SCAMP1: variants seen among roughly 807,000 people sequenced by gnomAD.
SCAMP1 encodes secretory carrier-associated membrane protein 1.
Under a neutral mutation model 41.8 loss-of-function variants are expected in SCAMP1, and 15 were observed. The ratio of observed to expected loss-of-function variants is 0.36; its 90% CI spans 0.24 to 0.55. The LOEUF (loss-of-function observed/expected upper bound fraction) is 0.55. SCAMP1 is among the 20% of genes least tolerant of loss of function. The pLI, the probability that SCAMP1 is intolerant of heterozygous loss-of-function variation, is 0.86. For synonymous variants in SCAMP1, 135 were observed against 136.8 expected, an observed-to-expected ratio of 0.99 and a Z score of 0.09; for missense variants, 341 against 412.6, an observed-to-expected ratio of 0.83 and a Z score of 1.50.
chr5:78,389,423 A>AT (rs1194593757), intron 2 of SCAMP1, among the ~76,000 whole-genome samples: 1 of 151,844 alleles, frequency 6.6e-6, no homozygotes, highest in African/African-American at 2.4e-5. Flanking sequence ...AAAATTTAGT[A>AT]TTTTTTTCTT....
At chr5:78,431,034 T>G (rs1752607311) in intron 6 of SCAMP1, among the ~76,000 whole-genome samples, 1 of 152,016 alleles carries the variant, frequency 6.6e-6, no homozygotes, top group Non-Finnish European at 1.5e-5. Flanking sequence ...TCAGAGAGCT[T>G]AGGTTCCTCC....
chr5:78,473,092 G>A (rs567114774), intron 8 of SCAMP1, among the ~76,000 whole-genome samples: 20 of 152,196 alleles, frequency 1.3e-4, no homozygotes, highest in South Asian at 4.1e-4. Flanking sequence ...TTTTAAAAGG[G>A]AATAAAAATA....
At chr5:78,426,823 A>G (rs756299698) in intron 6 of SCAMP1, among the ~76,000 whole-genome samples, 1 of 152,066 alleles carries the variant, frequency 6.6e-6, no homozygotes, top group Non-Finnish European at 1.5e-5. Flanking sequence ...TAGAACATCT[A>G]GTCTTTTGCT....
intron 1 of SCAMP1, among the ~76,000 whole-genome samples, chr5:78,364,977 T>A (rs1750756849): frequency 7.0e-5 from 1 of 14,348 alleles, no homozygotes; most frequent in Non-Finnish European, 2.3e-4. Context: ...TGTATACATA[T>A]GTAACCTGTA....
At chr5:78,435,401 T>C (rs2112175456) in intron 6 of SCAMP1, among the ~76,000 whole-genome samples, 1 of 150,742 alleles carries the variant, frequency 6.6e-6, no homozygotes, top group African/African-American at 2.4e-5. Flanking sequence ...CAACCCCTCA[T>C]TGTGTGATGT....
At chr5:78,363,652 A>G (rs1750720239) in intron 1 of SCAMP1, among the ~76,000 whole-genome samples, 1 of 151,956 alleles carries the variant, frequency 6.6e-6, no homozygotes, top group Admixed American at 6.6e-5. Context: ...ATTTTTTAGC[A>G]TTTCTTTTCC....
At chr5:78,444,839 G>A (rs1753015723) in intron 6 of SCAMP1, among the ~76,000 whole-genome samples, 1 of 152,164 alleles carries the variant, frequency 6.6e-6, no homozygotes, top group South Asian at 2.1e-4. Context: ...TCCCAGCTAA[G>A]CACTTTACCT....
At chr5:78,446,329 G>A (rs960456509) in intron 6 of SCAMP1, among the ~76,000 whole-genome samples, 2 of 152,126 alleles carry the variant, frequency 1.3e-5, no homozygotes, top group Non-Finnish European at 2.9e-5. Flanking sequence ...CAGTTAGGCA[G>A]TTTCAGCTTC....
At position 78,459,372 on chromosome 5, in the gene SCAMP1, A is replaced by G. The variant is rs767223984; in HGVS notation, c.852+10A>G. ...AGTTATGTTCAAAAAAGTAAGTGAA[A>G]TTTTATGTCTAAATTTTTATAGTGA... On this transcript the variant is annotated intron_variant, in intron 8 of 8. Transcript: ENST00000621999. 1.5e-6 allele frequency: 2 copies of G among 1,303,370 alleles called. No homozygotes were observed. The highest frequency in any genetic ancestry group is 1.3e-5 in the South Asian group (1 of 79,834). 80.7% of individuals were successfully genotyped at this position (1,303,370 alleles called of 1,614,324 possible).
rs1007919734 is a variant in SCAMP1, at chr5:78,476,402, T to C, written c.*734T>C. 6.6e-6 allele frequency: 1 copy of C among 152,614 alleles called. No homozygotes were observed. Among genetic ancestry groups the C allele is most frequent in the South Asian group, 2.1e-4 (1 of 4,828 alleles). The allele number at this position is 152,614 out of a possible 1,614,324, so 9.5% of individuals were successfully genotyped here. On this transcript the variant is annotated 3_prime_UTR_variant, in exon 9 of 9. Coordinates refer to ENST00000621999, the MANE Select transcript of SCAMP1 (RefSeq NM_004866.6). ...TTAAATAAAAAGTTTGGGGGTGCAA[T>C]ATAAGAAGTTTATATAATATGCAGT...
intron 8 of SCAMP1, among the ~76,000 whole-genome samples, chr5:78,473,045 AT>A (rs1452120233): frequency 2.0e-5 from 3 of 152,140 alleles, no homozygotes; most frequent in Non-Finnish European, 4.4e-5. Context: ...AGGAGTAGTG[AT>A]TTATCTATAT....
At chr5:78,461,256 A>G (rs369063151) in intron 8 of SCAMP1, among the ~76,000 whole-genome samples, 2 of 152,192 alleles carry the variant, frequency 1.3e-5, no homozygotes, top group African/African-American at 4.8e-5. Flanking sequence ...TGTCTAGGCC[A>G]ATGTCTAGAA....
intron 6 of SCAMP1, among the ~76,000 whole-genome samples, chr5:78,426,049 G>T (rs1239125858): frequency 6.6e-6 from 1 of 151,886 alleles, no homozygotes; most frequent in Admixed American, 6.6e-5. Context: ...GAGGTGTTTG[G>T]TTTTCTGTTC....
intron 1 of SCAMP1, among the ~76,000 whole-genome samples, chr5:78,385,437 A>C (rs148764825): frequency 4.0e-5 from 6 of 151,402 alleles, no homozygotes; most frequent in African/African-American, 1.5e-4. Flanking sequence ...GTTTGTTTCT[A>C]TTTCATTTAG....
intron 8 of SCAMP1, among the ~76,000 whole-genome samples, chr5:78,461,642 C>T (rs937360484): frequency 9.2e-5 from 14 of 152,040 alleles, no homozygotes; most frequent in Non-Finnish European, 2.1e-4. Context: ...GCTCACTGCA[C>T]CCTCAGCCTC....
At chr5:78,406,362 T>G (rs1580670109) in intron 2 of SCAMP1, among the ~76,000 whole-genome samples, 1 of 152,122 alleles carries the variant, frequency 6.6e-6, no homozygotes, top group East Asian at 1.9e-4. Context: ...TACATACACT[T>G]TGGCTGTTTT....
rs1211929705 is a variant in SCAMP1, at chr5:78,460,812, C to CTTTCTTTCTTTCTTTCTTT, written c.852+1450_852+1451insTTTCTTTCTTTCTTTCTTT. The stretch of plus-strand genomic sequence containing the variant: ...TCCTTCCTTCCTTCCTTCCTCCCTT[C>CTTTCTTTCTTTCTTTCTTT]CTTCCTTCCTTTCTTGTCTTTCCTC... On this transcript the variant is annotated intron_variant, in intron 8 of 8. Coordinates refer to ENST00000621999, the MANE Select transcript of SCAMP1 (RefSeq NM_004866.6). Among the ~76,000 whole-genome samples the CTTTCTTTCTTTCTTTCTTT allele has an allele frequency of 9.0e-4, 23 of 25,530 alleles. 1 individual carries two copies. Among genetic ancestry groups the CTTTCTTTCTTTCTTTCTTT allele is most frequent in the Non-Finnish European group, 2.5e-3 (17 of 6,934 alleles). 16.7% of individuals were successfully genotyped at this position (25,530 alleles called of 152,430 possible).
At chr5:78,445,495 T>C (rs531047610) in intron 6 of SCAMP1, among the ~76,000 whole-genome samples, 6 of 152,354 alleles carry the variant, frequency 3.9e-5, no homozygotes, top group Admixed American at 2.0e-4. Context: ...GTATAGTGTT[T>C]TTATTTTTAA....
At chr5:78,460,198 G>A (rs1226237880) in intron 8 of SCAMP1, among the ~76,000 whole-genome samples, 1 of 152,174 alleles carries the variant, frequency 6.6e-6, no homozygotes, top group Non-Finnish European at 1.5e-5. Flanking sequence ...ATTGTGACTA[G>A]TGCTGCAATA....
Sources: allele counts gnomAD v4.1 joint callset (sites outside exome capture counted in the v4.1 genomes callset), GRCh38; gene constraint gnomAD v4.1.1; transcripts MANE v1.5; gene names NCBI Gene and HGNC (gene_info 2026-07-23, HGNC 2026-07-21).